LARP4: variants seen among roughly 807,000 people sequenced by gnomAD.
The protein encoded by LARP4 is la-related protein 4.
LARP4 carries 29 observed loss-of-function variants against 92.9 expected under a neutral mutation model. The ratio of observed to expected loss-of-function variants is 0.31; its 90% CI spans 0.23 to 0.43. LARP4 has a LOEUF of 0.43. Ranked by LOEUF, LARP4 falls within the 20% of genes least tolerant of loss-of-function variation. LARP4 has a pLI of 1.00. For missense variants in LARP4, 732 were observed against 860.0 expected, an observed-to-expected ratio of 0.85 and a Z score of 1.86; for synonymous variants, 279 against 284.1, an observed-to-expected ratio of 0.98 and a Z score of 0.18.
chr12:50,425,031 C>G (rs1948496422), intron 1 of LARP4, among the ~76,000 whole-genome samples: 1 of 152,048 alleles, frequency 6.6e-6, no homozygotes, highest in African/African-American at 2.4e-5. Flanking sequence ...CCTGTAATCC[C>G]AGCTATTCAG....
At chr12:50,454,910 T>A (rs1953935169) in intron 10 of LARP4, 1 of 152,790 alleles carries the variant, frequency 6.5e-6, no homozygotes, top group Non-Finnish European at 1.5e-5. Context: ...ACTCTGTTCC[T>A]AAGGGCTTTA....
intron 1 of LARP4, among the ~76,000 whole-genome samples, chr12:50,426,731 G>GTGTGTGTGTGTGTGGT (rs1483728898): frequency 1.3e-5 from 1 of 79,740 alleles, no homozygotes; most frequent in Non-Finnish European, 2.2e-5. Flanking sequence ...GTGTGTGTGT[G>GTGTGTGTGTGTGTGGT]GTTTTTTTTT....
chr12:50,450,021 C>T (rs4768877), intron 8 of LARP4, among the ~76,000 whole-genome samples: 104,349 of 148,996 alleles, frequency 0.7, 43,163 homozygotes, highest in Non-Finnish European at 0.93. Flanking sequence ...GCAACCTCCG[C>T]CTCCTGGGTT....
At chr12:50,461,095 G>A (rs199951465) in intron 10 of LARP4, 40 bp from the exon 11 acceptor site, 22 of 1,540,086 alleles carry the variant, frequency 1.4e-5, no homozygotes, top group African/African-American at 1.4e-4. Context: ...TTTCTGTCTC[G>A]ATTTACTGCT....
At chr12:50,458,399 G>A (rs1954733077) in intron 10 of LARP4, among the ~76,000 whole-genome samples, 1 of 151,988 alleles carries the variant, frequency 6.6e-6, no homozygotes, top group Non-Finnish European at 1.5e-5. Flanking sequence ...CAAAGTGCTG[G>A]GATTACAGGT....
intron 1 of LARP4, among the ~76,000 whole-genome samples, chr12:50,422,836 T>C (rs933585998): frequency 1.3e-5 from 2 of 148,356 alleles, no homozygotes; most frequent in East Asian, 3.9e-4. Flanking sequence ...TTATTATTTT[T>C]GAGACGAGTC....
chr12:50,469,208 T>TA (rs1234361518), intron 13 of LARP4, among the ~76,000 whole-genome samples: 3 of 152,194 alleles, frequency 2.0e-5, no homozygotes, highest in Non-Finnish European at 4.4e-5. Context: ...CTTGTTTCTT[T>TA]AAAAAAATAT....
intron 4 of LARP4, among the ~76,000 whole-genome samples, chr12:50,434,642 A>G (rs941707789): frequency 2.0e-4 from 30 of 151,294 alleles, no homozygotes; most frequent in African/African-American, 6.5e-4. Flanking sequence ...CTTGACCTCT[A>G]ATGATCCACC....
At chr12:50,403,500 T>A (rs377146943) in intron 1 of LARP4, among the ~76,000 whole-genome samples, 84 of 152,364 alleles carry the variant, frequency 5.5e-4, no homozygotes, top group African/African-American at 1.9e-3. Context: ...TAAAATATTT[T>A]GATAACTGCG....
intron 1 of LARP4, among the ~76,000 whole-genome samples, chr12:50,427,090 A>G (rs1948913750): frequency 1.3e-5 from 2 of 152,130 alleles, no homozygotes; most frequent in Non-Finnish European, 2.9e-5. Context: ...TGTGGACTTT[A>G]AGAACATACA....
At chr12:50,431,199 C>T (rs185906146) in intron 4 of LARP4, among the ~76,000 whole-genome samples, 62 of 151,966 alleles carry the variant, frequency 4.1e-4, no homozygotes, top group Non-Finnish European at 6.9e-4. Flanking sequence ...ACCCCGGAGG[C>T]GAAGGTTGTG....
At chr12:50,456,377 G>A (rs1192528932) in intron 10 of LARP4, among the ~76,000 whole-genome samples, 1 of 93,338 alleles carries the variant, frequency 1.1e-5, no homozygotes, top group Non-Finnish European at 3.2e-5. Flanking sequence ...AATAATTAGT[G>A]AATACTTTTT....
At chr12:50,430,750 T>TCCAGGGTTCAAGAGATTCTTGTGCC (rs1306413883) in intron 4 of LARP4, among the ~76,000 whole-genome samples, 180 bp downstream of exon 4, 1 of 151,182 alleles carries the variant, frequency 6.6e-6, no homozygotes, top group Non-Finnish European at 1.5e-5. Context: ...AGCCTCCGCC[T>TCCAGGGTTCAAGAGATTCTTGTGCC]CCAGGGTTCA....
intron 1 of LARP4, among the ~76,000 whole-genome samples, chr12:50,424,128 G>C (rs1270594339): frequency 6.6e-6 from 1 of 152,208 alleles, no homozygotes; most frequent in Non-Finnish European, 1.5e-5. Flanking sequence ...AGTGATTTGG[G>C]AGGCTGAGGT....
At chr12:50,462,392 A>G (rs561916415) in intron 11 of LARP4, among the ~76,000 whole-genome samples, 190 bp from the exon 12 acceptor site, 1 of 151,100 alleles carries the variant, frequency 6.6e-6, no homozygotes, top group Non-Finnish European at 1.5e-5. Flanking sequence ...AGGCAGGAGA[A>G]TTGCTTGAAC....
chr12:50,436,194 A>ATC (rs1491064008), intron 5 of LARP4, among the ~76,000 whole-genome samples: 102 of 119,274 alleles, frequency 8.6e-4, no homozygotes, highest in African/African-American at 2.8e-3. Context: ...ATATATATAT[A>ATC]TCCCGCTACT....
intron 11 of LARP4, chr12:50,461,592 A>G (rs1383177271): frequency 2.4e-6 from 1 of 411,174 alleles, no homozygotes; most frequent in South Asian, 2.7e-5. Flanking sequence ...CTTATAGCTC[A>G]TATAAGAAAG....
intron 7 of LARP4, 104 bp downstream of exon 7, chr12:50,440,653 C>A: frequency 1.4e-6 from 1 of 717,514 alleles, no homozygotes; most frequent in South Asian, 2.0e-5. Context: ...TTTATCAAGA[C>A]TAGTGAGTAC....
At chr12:50,467,168 T>C (rs1349131389) in intron 13 of LARP4, 48 bp downstream of exon 13, 19 of 1,458,626 alleles carry the variant, frequency 1.3e-5, no homozygotes, top group Non-Finnish European at 1.8e-5. Context: ...ATATTTAGGC[T>C]TTATTTGCAG....
Sources: allele counts gnomAD v4.1 joint callset (sites outside exome capture counted in the v4.1 genomes callset), GRCh38; gene constraint gnomAD v4.1.1; transcripts MANE v1.5; gene names NCBI Gene and HGNC (gene_info 2026-07-23, HGNC 2026-07-21).